RASGRP3: variants seen among roughly 807,000 people sequenced by gnomAD.
RASGRP3 encodes RAS guanyl releasing protein 3.
Under a neutral mutation model 82.7 loss-of-function variants are expected in RASGRP3, and 54 were observed. That is an observed-to-expected ratio of 0.65 (90% CI 0.52 to 0.82). RASGRP3 has a LOEUF of 0.82. Ranked by LOEUF, RASGRP3 falls within the 40% of genes least tolerant of loss-of-function variation. RASGRP3 has a pLI of 0.00. For synonymous variants in RASGRP3, 309 were observed against 300.5 expected (o/e 1.03, Z -0.29); for missense variants, 861 against 828.9 (o/e 1.04, Z -0.48).
At chr2:33,464,203 C>T (rs1666550566) in intron 2 of RASGRP3, among the ~76,000 whole-genome samples, 1 of 146,688 alleles carries the variant, frequency 6.8e-6, no homozygotes, top group Non-Finnish European at 1.5e-5. Flanking sequence ...ACTGCAACCT[C>T]CGCCTCCTGG....
chr2:33,497,800 T>A (rs1669466218), intron 1 of RASGRP3, among the ~76,000 whole-genome samples: 1 of 152,218 alleles, frequency 6.6e-6, no homozygotes, highest in Non-Finnish European at 1.5e-5. Flanking sequence ...GTTTGGGTGG[T>A]ATGCCCAGAG....
At chr2:33,519,718 T>A (rs1382646399) in intron 4 of RASGRP3, among the ~76,000 whole-genome samples, 1 of 152,236 alleles carries the variant, frequency 6.6e-6, no homozygotes, top group Non-Finnish European at 1.5e-5. Flanking sequence ...AAGGCAAAAC[T>A]AATCCTGTAA....
chr2:33,521,952 T>TAA lies in RASGRP3; in HGVS notation c.369-2_369-1insAA. The stretch of plus-strand genomic sequence containing the variant: ...ATTGACCGGACTCACTCTTCTTTTA[T>TAA]AGTCCTTCCTATGACTGGATGAGAA... On this transcript the variant is annotated splice_region_variant and splice_polypyrimidine_tract_variant and intron_variant, in intron 6 of 17. Coordinates refer to ENST00000403687, the MANE Select transcript of RASGRP3 (RefSeq NM_001139488.2). The TAA allele has an allele frequency of 6.2e-7, 1 of 1,604,632 alleles. No individual in the cohort carries two copies. The highest frequency in any genetic ancestry group is 2.2e-5 in the East Asian group (1 of 44,832).
intron 17 of RASGRP3, 116 bp downstream of exon 17, chr2:33,559,146 G>A: frequency 1.2e-6 from 1 of 840,846 alleles, no homozygotes; most frequent in Non-Finnish European, 1.8e-6. Context: ...GAATGGTTGG[G>A]AATGAAGACA....
upstream of RASGRP3, among the ~76,000 whole-genome samples, chr2:33,473,156 A>G (rs935138017): frequency 2.6e-5 from 4 of 151,820 alleles, no homozygotes; most frequent in Admixed American, 1.3e-4. Context: ...AGGTCAGGAG[A>G]TGGAGACCAT....
At position 33,527,395 on chromosome 2, in the gene RASGRP3, T is replaced by C. The variant is rs930446776; in HGVS notation, c.1066T>C (p.Leu356=). The change falls in exon 10 of 18, where the codon TTG becomes CTG. Residue 356 remains leucine (L), a synonymous_variant. Coordinates refer to ENST00000403687, the MANE Select transcript of RASGRP3 (RefSeq NM_001139488.2). ...ASHHLEPNMD[L]INLLTLSLDL... is the part of the protein sequence containing the mutation. ...TCACCACTTAGAACCCAACATGGAT[T>C]TGATCAACCTGCTCACGGTGAGTTC... 6.2e-7 allele frequency: 1 copy of C among 1,613,250 alleles called. No individual in the cohort carries two copies. The highest frequency in any genetic ancestry group is 8.5e-7 in the Non-Finnish European group (1 of 1,179,272).
chr2:33,517,923 C>T (rs144756281), intron 4 of RASGRP3, among the ~76,000 whole-genome samples: 207 of 152,256 alleles, frequency 1.4e-3, no homozygotes, highest in African/African-American at 4.6e-3. Context: ...GGATTCCTTG[C>T]TCATGCTATA....
chr2:33,451,906 C>T (rs1444873623), intron 2 of RASGRP3, among the ~76,000 whole-genome samples: 2 of 151,630 alleles, frequency 1.3e-5, no homozygotes. Flanking sequence ...TTTTTTCATT[C>T]TTACTTCTTC....
intron 1 of RASGRP3, among the ~76,000 whole-genome samples, chr2:33,491,769 A>G (rs1458194546): frequency 1.3e-5 from 2 of 152,262 alleles, no homozygotes; most frequent in Non-Finnish European, 2.9e-5. Flanking sequence ...ATAATTGTCT[A>G]TGCAGCCTCG....
At chr2:33,463,596 T>C (rs988591027) in intron 2 of RASGRP3, among the ~76,000 whole-genome samples, 10 of 134,932 alleles carry the variant, frequency 7.4e-5, no homozygotes, top group South Asian at 2.4e-4. Flanking sequence ...TTCACTCTTT[T>C]TTTTTTTTTT....
rs865988343 is a variant in RASGRP3, at chr2:33,558,677, G to A, written c.1711G>A (p.Asp571Asn). The A allele has an allele frequency of 6.3e-7, 1 of 1,597,700 alleles. No individual in the cohort carries two copies. The highest frequency in any genetic ancestry group is 8.5e-7 in the Non-Finnish European group (1 of 1,172,414). Reference sequence around the variant, plus strand: ...CCACCCTTTTTCACTTCCAGCGCAGGATGAGGTGTTTGAGTTCCCTGGAGT... The same window carrying A: ...CCACCCTTTTTCACTTCCAGCGCAGAATGAGGTGTTTGAGTTCCCTGGAGT... ...PGSPSLPPAQ[D>N]EVFEFPGVTA... is the part of the protein sequence containing the mutation. Residue 571 changes from aspartate (D) to asparagine (N), a missense_variant, in exon 17 of 18, where the codon GAT (aspartate) becomes AAT (asparagine). Coordinates refer to ENST00000403687, the MANE Select transcript of RASGRP3 (RefSeq NM_001139488.2).
intron 10 of RASGRP3, chr2:33,532,702 A>G (rs1193062598): frequency 6.6e-6 from 1 of 152,102 alleles, no homozygotes; most frequent in Non-Finnish European, 1.5e-5. Context: ...TACTGGGGAG[A>G]TTTTACAGTT....
At chr2:33,450,225 C>T (rs1387924444) in intron 2 of RASGRP3, among the ~76,000 whole-genome samples, 1 of 152,092 alleles carries the variant, frequency 6.6e-6, no homozygotes, top group African/African-American at 2.4e-5. Flanking sequence ...ACCTCATATA[C>T]CAATCATTAT....
At position 33,505,508 on chromosome 2, in the gene RASGRP3, G is replaced by C. The variant is rs1167145373; in HGVS notation, c.-260-6202G>C. 5.3e-5 allele frequency among the ~76,000 whole-genome samples: 8 copies of C among 152,142 alleles called. No homozygotes were observed. In the East Asian group the frequency reaches 1.4e-3, roughly 26 times the overall value. On this transcript the variant is annotated intron_variant, in intron 1 of 17. Coordinates refer to ENST00000403687, the MANE Select transcript of RASGRP3 (RefSeq NM_001139488.2). ...GTAGAGACGGGGTTTCTCCATGTTG[G>C]TCAGGCTGGTCTCGAACTCCTGACC...
chr2:33,465,136 G>C (rs570212477), intron 2 of RASGRP3, among the ~76,000 whole-genome samples: 213 of 152,286 alleles, frequency 1.4e-3, no homozygotes, highest in African/African-American at 4.9e-3. Context: ...AGTTCTTTAA[G>C]GAAATTAAAA....
chr2:33,505,583 G>T (rs769135995), intron 1 of RASGRP3, among the ~76,000 whole-genome samples: 2 of 152,200 alleles, frequency 1.3e-5, no homozygotes, highest in Non-Finnish European at 2.9e-5. Flanking sequence ...ACAGGCGTGA[G>T]CCACCATGCC....
intron 1 of RASGRP3, among the ~76,000 whole-genome samples, chr2:33,480,103 T>C (rs927897705): frequency 2.7e-5 from 4 of 147,060 alleles, no homozygotes; most frequent in African/African-American, 1.0e-4. Context: ...AGTGCAGTGG[T>C]GAGATCTCGG....
At chr2:33,548,171 C>A (rs1191405686) in intron 13 of RASGRP3, among the ~76,000 whole-genome samples, 1 of 151,896 alleles carries the variant, frequency 6.6e-6, no homozygotes, top group Non-Finnish European at 1.5e-5. Context: ...ACCATCTTGG[C>A]TAACACGGTG....
intron 6 of RASGRP3, 76 bp from the exon 7 acceptor site, chr2:33,521,877 CAG>C (rs1210059788): frequency 7.3e-6 from 11 of 1,502,146 alleles, no homozygotes; most frequent in South Asian, 1.4e-5. Context: ...CCAAGAGTTG[CAG>C]AGTCAGTAGG....
Sources: gnomAD v4.1 joint callset for allele counts (sites outside exome capture counted in the v4.1 genomes callset) on GRCh38, gnomAD v4.1.1 for gene constraint, MANE v1.5 for transcripts, NCBI Gene and HGNC (gene_info 2026-07-23, HGNC 2026-07-21) for gene names.